The following UBE2U variants were observed in gnomAD, a reference collection of about 807,000 sequenced individuals.
UBE2U encodes ubiquitin conjugating enzyme E2 U.
Under a neutral mutation model 41.2 loss-of-function variants are expected in UBE2U, and 39 were observed. The ratio of observed to expected loss-of-function variants is 0.95; its 90% CI spans 0.73 to 1.24. UBE2U has a LOEUF of 1.24. UBE2U is among the 50% of genes most tolerant of loss of function. The pLI, the probability that UBE2U is intolerant of heterozygous loss-of-function variation, is 0.00. For missense variants in UBE2U, 336 were observed against 363.1 expected, an observed-to-expected ratio of 0.93 and a Z score of 0.61; for synonymous variants, 107 against 117.8, an observed-to-expected ratio of 0.91 and a Z score of 0.60.
At chr1:64,236,392 C>G (rs1644667846) in intron 7 of UBE2U, among the ~76,000 whole-genome samples, 1 of 152,076 alleles carries the variant, frequency 6.6e-6, no homozygotes, top group Admixed American at 6.6e-5. Context: ...AATTCAAACT[C>G]GGAAGTACAT....
At chr1:64,254,542 G>A (rs1298339257) in intron 8 of UBE2U, among the ~76,000 whole-genome samples, 3 of 152,088 alleles carry the variant, frequency 2.0e-5, no homozygotes, top group African/African-American at 7.2e-5. Flanking sequence ...AAGAACTGAA[G>A]TCATAACAGA....
At chr1:64,253,735 G>C (rs1348979284) in intron 8 of UBE2U, among the ~76,000 whole-genome samples, 6 of 152,104 alleles carry the variant, frequency 3.9e-5, no homozygotes, top group Non-Finnish European at 5.9e-5. Flanking sequence ...TCACCACCAG[G>C]CCTGCCTTGC....
intron 8 of UBE2U, among the ~76,000 whole-genome samples, chr1:64,250,569 A>G (rs542836525): frequency 1.2e-4 from 18 of 152,302 alleles, no homozygotes; most frequent in African/African-American, 4.3e-4. Flanking sequence ...CCGGGTATAT[A>G]CCCAAAGGAT....
chr1:64,241,409 T>C (rs1644832399), intron 7 of UBE2U, among the ~76,000 whole-genome samples: 1 of 152,222 alleles, frequency 6.6e-6, no homozygotes, highest in South Asian at 2.1e-4. Flanking sequence ...ATATAATGTT[T>C]TTCATTATAA....
At chr1:64,239,115 AAG>A (rs1491107271) in intron 7 of UBE2U, among the ~76,000 whole-genome samples, 5 of 14,878 alleles carry the variant, frequency 3.4e-4, no homozygotes, top group Admixed American at 1.4e-3. Context: ...GAAGAAGAAG[AAG>A]AAGAAGAAGA....
intron 6 of UBE2U, among the ~76,000 whole-genome samples, chr1:64,224,613 C>T (rs12123522): frequency 6.6e-6 from 1 of 151,938 alleles, no homozygotes; most frequent in African/African-American, 2.4e-5. Context: ...ATCCCAGCTA[C>T]TCAGGAGGCT....
intron 8 of UBE2U, among the ~76,000 whole-genome samples, chr1:64,259,856 A>G (rs912170693): frequency 6.6e-6 from 1 of 151,924 alleles, no homozygotes; most frequent in Non-Finnish European, 1.5e-5. Flanking sequence ...TCCCCTGTGT[A>G]GTGGGTTGAA....
intron 6 of UBE2U, among the ~76,000 whole-genome samples, chr1:64,227,540 G>A (rs1185060472): frequency 2.6e-5 from 4 of 152,168 alleles, no homozygotes; most frequent in African/African-American, 9.7e-5. Context: ...CATGGCTCAT[G>A]CCTGTAATCC....
At chr1:64,216,345 G>C (rs914627452) in intron 5 of UBE2U, among the ~76,000 whole-genome samples, 1 of 152,184 alleles carries the variant, frequency 6.6e-6, no homozygotes, top group African/African-American at 2.4e-5. Flanking sequence ...TGGAATACCA[G>C]TAGGCTCCAC....
In UBE2U at chr1:64,239,101, A is replaced by G. The variant is rs933035567; in HGVS notation, c.596-2551A>G. ...AAGAGGAAGAGGAAGAGGAAGAAGA[A>G]GAAGAAGAAGAAGAAGAAGAAGAAG... On this transcript the variant is annotated intron_variant, in intron 7 of 9. Coordinates refer to ENST00000371077, the MANE Select transcript of UBE2U (RefSeq NM_001366232.2). Among the ~76,000 whole-genome samples the G allele has an allele frequency of 4.2e-3, 32 of 7,608 alleles. No homozygotes were observed. In the East Asian group the frequency reaches 0.13, roughly 32 times the overall value. 5.0% of individuals were successfully genotyped at this position (7,608 alleles called of 152,430 possible).
At chr1:64,240,720 T>C (rs573594995) in intron 7 of UBE2U, among the ~76,000 whole-genome samples, 40 of 152,318 alleles carry the variant, frequency 2.6e-4, no homozygotes, top group African/African-American at 8.9e-4. Context: ...TTTAATACTT[T>C]CTTCATTATT....
At chr1:64,238,778 A>T (rs548795750) in intron 7 of UBE2U, among the ~76,000 whole-genome samples, 2 of 152,186 alleles carry the variant, frequency 1.3e-5, no homozygotes, top group South Asian at 2.1e-4. Context: ...ACAGTGGTTC[A>T]CATCTGTAAT....
chr1:64,260,551 ATACCC>A, intron 8 of UBE2U, 47 bp from the exon 9 acceptor site: 1 of 1,396,132 alleles, frequency 7.2e-7, no homozygotes, highest in Non-Finnish European at 9.8e-7. Flanking sequence ...AGAAGTAAAT[ATACCC>A]TTACCAAAAT....
chr1:64,255,787 A>G (rs976653861), intron 8 of UBE2U, among the ~76,000 whole-genome samples: 1 of 152,192 alleles, frequency 6.6e-6, no homozygotes, highest in South Asian at 2.1e-4. Context: ...AGAGAAAGAA[A>G]TAAAGGGTAT....
chr1:64,239,092 G>GAAGAAGAAA (rs1644737300), intron 7 of UBE2U, among the ~76,000 whole-genome samples: 8 of 42,804 alleles, frequency 1.9e-4, no homozygotes, highest in African/African-American at 7.0e-4. Context: ...AAGAGGAAGA[G>GAAGAAGAAA]GAAGAAGAAG....
At chr1:64,257,285 C>A (rs2100533016) in intron 8 of UBE2U, among the ~76,000 whole-genome samples, 1 of 152,292 alleles carries the variant, frequency 6.6e-6, no homozygotes, top group South Asian at 2.1e-4. Flanking sequence ...GAATATAAAT[C>A]ATTCTGTTAT....
intron 6 of UBE2U, among the ~76,000 whole-genome samples, chr1:64,231,601 T>C (rs1644567434): frequency 6.6e-6 from 1 of 152,204 alleles, no homozygotes; most frequent in Admixed American, 6.5e-5. Context: ...TAGGTGTGCA[T>C]AATTGTTATT....
At chr1:64,236,329 T>C (rs1309950945) in intron 7 of UBE2U, among the ~76,000 whole-genome samples, 1 of 152,214 alleles carries the variant, frequency 6.6e-6, no homozygotes, top group Non-Finnish European at 1.5e-5. Flanking sequence ...TCTGATACTC[T>C]ACTGCCTCCG....
In UBE2U at chr1:64,232,581, T is replaced by G. The variant is rs907704578; in HGVS notation, c.527T>G (p.Phe176Cys). 6.2e-7 allele frequency: 1 copy of G among 1,612,948 alleles called. No homozygotes were observed. The highest frequency in any genetic ancestry group is 1.3e-5 in the African/African-American group (1 of 74,884). Reference protein sequence around the residue: ...KCIRPIKTTSFSDYYQTWSRI... With the variant: ...KCIRPIKTTSCSDYYQTWSRI... ...TTCAGACCAATTAAAACAACCTCAT[T>G]TAGTGATTACTACCAGACATGGTCC... Residue 176 changes from phenylalanine (F) to cysteine (C), a missense_variant, in exon 7 of 10, where the codon TTT (phenylalanine) becomes TGT (cysteine). By Grantham distance (205) the Phe-to-Cys change is radical (BLOSUM62 -2). Transcript: ENST00000371077.
Sources: gnomAD v4.1 joint callset for allele counts (sites outside exome capture counted in the v4.1 genomes callset) on GRCh38, gnomAD v4.1.1 for gene constraint, MANE v1.5 for transcripts, NCBI Gene and HGNC (gene_info 2026-07-23, HGNC 2026-07-21) for gene names.